Variants in FRMD4A observed in about 807,000 individuals in gnomAD.
FRMD4A encodes FERM domain containing 4A, also known as FERM domain-containing protein 4A.
FRMD4A carries 29 observed loss-of-function variants against 129.1 expected under a neutral mutation model. That is an observed-to-expected ratio of 0.22 (90% confidence interval 0.17 to 0.31). The LOEUF is 0.31. Ranked by LOEUF, FRMD4A falls within the 10% of genes least tolerant of loss-of-function variation. The probability of loss-of-function intolerance (pLI) is 1.00; values close to 1 mark genes in which losing one functional copy is unlikely to be tolerated. For missense variants in FRMD4A, 1,272 were observed against 1,375.8 expected, an observed-to-expected ratio of 0.92 and a Z score of 1.19; for synonymous variants, 634 against 571.6, an observed-to-expected ratio of 1.11 and a Z score of -1.56.
chr10:13,973,959 C>T (rs182204143), intron 2 of FRMD4A, among the ~76,000 whole-genome samples: 1 of 151,014 alleles, frequency 6.6e-6, no homozygotes, highest in East Asian at 1.9e-4. Context: ...CTCTGGAGAT[C>T]TTGGCTGTGA....
intron 2 of FRMD4A, among the ~76,000 whole-genome samples, chr10:14,293,282 T>G (rs1038831156): frequency 1.3e-5 from 2 of 152,122 alleles, no homozygotes; most frequent in African/African-American, 4.8e-5. Context: ...ACACTTGCAC[T>G]CTCTTGCCCT....
chr10:14,268,969 G>A (rs1429333110), intron 2 of FRMD4A, among the ~76,000 whole-genome samples: 1 of 152,234 alleles, frequency 6.6e-6, no homozygotes, highest in Non-Finnish European at 1.5e-5. Flanking sequence ...CCGTTAGGAT[G>A]AAAGCCAGTG....
Position 13,858,870 on chromosome 10 carries a change from T to A in FRMD4A, c.88A>T (p.Arg30Trp), listed in dbSNP as rs1380612395. 1.2e-6 allele frequency: 2 copies of A among 1,606,610 alleles called. No homozygotes were observed. Among genetic ancestry groups the A allele is most frequent in the Non-Finnish European group, 1.7e-6 (2 of 1,173,148 alleles). Residue 30 changes from arginine to tryptophan, a missense_variant, in exon 3 of 25, where the codon AGG becomes TGG. Arg to Trp is a moderately radical substitution (Grantham distance 101). Coordinates refer to ENST00000357447, the MANE Select transcript of FRMD4A (RefSeq NM_018027.5). ...RRCQVHLLDD[R>W]KLELLVQPKL... ...ACCTGTACTAGGAGTTCCAGCTTCC[T>A]GTCATCAAGAAGATGTACTTGACAT... is the stretch of plus-strand genomic sequence containing the variant.
chr10:13,733,450 T>C (rs2090440146), intron 12 of FRMD4A, among the ~76,000 whole-genome samples: 1 of 152,134 alleles, frequency 6.6e-6, no homozygotes, highest in Non-Finnish European at 1.5e-5. Flanking sequence ...GGTTTTTTTT[T>C]TGGAGATGGA....
At chr10:14,257,218 C>G (rs533724860) in intron 2 of FRMD4A, among the ~76,000 whole-genome samples, 164 of 152,174 alleles carry the variant, frequency 1.1e-3, no homozygotes, top group Non-Finnish European at 2.1e-3. Flanking sequence ...ATAATCCCAG[C>G]TAACCAGGAG....
intron 2 of FRMD4A, among the ~76,000 whole-genome samples, chr10:14,318,459 G>T (rs1429016702): frequency 2.0e-5 from 3 of 151,850 alleles, no homozygotes; most frequent in Non-Finnish European, 4.4e-5. Context: ...ACTGAATTTG[G>T]GACCTCAGAG....
chr10:14,081,306 T>C (rs1835913868), intron 2 of FRMD4A, among the ~76,000 whole-genome samples: 1 of 152,188 alleles, frequency 6.6e-6, no homozygotes, highest in South Asian at 2.1e-4. Context: ...ATTAGACAGC[T>C]GCATTAAAGC....
At chr10:14,244,458 G>A (rs1326239414) in intron 2 of FRMD4A, among the ~76,000 whole-genome samples, 1 of 152,234 alleles carries the variant, frequency 6.6e-6, no homozygotes, top group Admixed American at 6.5e-5. Context: ...CATTGCCTGA[G>A]ATGGGGGCTC....
chr10:13,844,374 C>A (rs944520247), intron 3 of FRMD4A, among the ~76,000 whole-genome samples: 6 of 152,134 alleles, frequency 3.9e-5, no homozygotes, highest in Non-Finnish European at 8.8e-5. Context: ...GTACTGAGGT[C>A]ATTATCCTTT....
chr10:14,128,100 C>CTTTTCT (rs142790253), intron 2 of FRMD4A, among the ~76,000 whole-genome samples: 1 of 34,176 alleles, frequency 2.9e-5, no homozygotes, highest in Non-Finnish European at 6.4e-5. Context: ...TTCTTTCTTT[C>CTTTTCT]TTTCTTTTCT....
chr10:13,710,163 C>A (rs1048853271), intron 12 of FRMD4A, among the ~76,000 whole-genome samples: 2 of 152,004 alleles, frequency 1.3e-5, no homozygotes, highest in African/African-American at 2.4e-5. Context: ...GGAGGTGGAA[C>A]CCTCAAGCCC....
chr10:14,185,499 T>C (rs78088719), intron 2 of FRMD4A, among the ~76,000 whole-genome samples: 41,351 of 152,044 alleles, frequency 0.27, 5,698 homozygotes, highest in Admixed American at 0.32. Flanking sequence ...TTTTCTAACT[T>C]CAAGTATTTT....
At chr10:14,328,378 G>GT (rs1413532961) in intron 2 of FRMD4A, among the ~76,000 whole-genome samples, 8 of 120,268 alleles carry the variant, frequency 6.7e-5, no homozygotes, top group Non-Finnish European at 1.0e-4. Flanking sequence ...GTGGGGGGGG[G>GT]GGGTGTATAA....
chr10:13,935,487 A>AAG (rs1285741873), intron 2 of FRMD4A, among the ~76,000 whole-genome samples: 1 of 150,284 alleles, frequency 6.7e-6, no homozygotes, highest in Non-Finnish European at 1.5e-5. Context: ...TTGTTACCAA[A>AAG]TGATCAACGA....
At chr10:14,153,409 C>G (rs1840438971) in intron 2 of FRMD4A, among the ~76,000 whole-genome samples, 1 of 152,170 alleles carries the variant, frequency 6.6e-6, no homozygotes, top group African/African-American at 2.4e-5. Flanking sequence ...TCACAGCAGA[C>G]ATTATTAATC....
intron 2 of FRMD4A, among the ~76,000 whole-genome samples, chr10:14,116,686 G>A (rs1227406429): frequency 2.6e-5 from 4 of 152,124 alleles, no homozygotes; most frequent in Non-Finnish European, 5.9e-5. Context: ...GTAAACAAAT[G>A]CCATGTTATA....
intron 2 of FRMD4A, among the ~76,000 whole-genome samples, chr10:14,127,513 T>A (rs1838912022): frequency 6.6e-6 from 1 of 152,154 alleles, no homozygotes; most frequent in South Asian, 2.1e-4. Flanking sequence ...TTGAATAAGA[T>A]GGCACTACAG....
chr10:14,247,718 G>A (rs1589225313), intron 2 of FRMD4A, among the ~76,000 whole-genome samples: 1 of 152,160 alleles, frequency 6.6e-6, no homozygotes, highest in Non-Finnish European at 1.5e-5. Context: ...GGGAAGAGAG[G>A]GGAAGGCCTT....
intron 15 of FRMD4A, among the ~76,000 whole-genome samples, chr10:13,677,476 G>C (rs1000378388): frequency 6.6e-6 from 1 of 152,136 alleles, no homozygotes; most frequent in Non-Finnish European, 1.5e-5. Flanking sequence ...CCTGGATTTT[G>C]ACATACTTCA....
Sources: gnomAD v4.1 joint callset for allele counts (sites outside exome capture counted in the v4.1 genomes callset) on GRCh38, gnomAD v4.1.1 for gene constraint, MANE v1.5 for transcripts, NCBI Gene and HGNC (gene_info 2026-07-23, HGNC 2026-07-21) for gene names.